GPR158: variants seen among roughly 807,000 people sequenced by gnomAD.
GPR158 encodes metabotropic glycine receptor.
GPR158 carries 30 observed loss-of-function variants against 78.2 expected under a neutral mutation model. The ratio of observed to expected loss-of-function variants is 0.38; its 90% CI spans 0.29 to 0.52. The LOEUF (loss-of-function observed/expected upper bound fraction) is 0.52. GPR158 is among the 20% of genes least tolerant of loss of function. The pLI is 0.83. For synonymous variants in GPR158, 581 were observed against 591.1 expected (o/e 0.98, Z 0.25); for missense variants, 1,463 against 1,523.5 (o/e 0.96, Z 0.66).
intron 2 of GPR158, among the ~76,000 whole-genome samples, chr10:25,360,721 C>G (rs1212768624): frequency 1.3e-5 from 2 of 151,894 alleles, no homozygotes. Context: ...TCTTTTTGCT[C>G]AGGATTGTCT....
rs568506357 is a variant in GPR158 at position 25,592,539 on chromosome 10, C to A, written c.1893-1753C>A. The stretch of plus-strand genomic sequence containing the variant: ...AAACTACTGCAAACCCAGTTTTTCT[C>A]AAAATATTTCTAGTCAGAATTGCAA... On this transcript the variant is annotated intron_variant, in intron 8 of 10. Coordinates refer to ENST00000376351, the MANE Select transcript of GPR158 (RefSeq NM_020752.3). Among the ~76,000 whole-genome samples the A allele has an allele frequency of 2.6e-4, 39 of 152,048 alleles. No homozygotes were observed. The South Asian group carries it at 7.9e-3, about 31-fold the overall frequency.
chr10:25,227,850 AAG>A (rs1853396214), intron 2 of GPR158, among the ~76,000 whole-genome samples: 1 of 152,220 alleles, frequency 6.6e-6, no homozygotes, highest in Admixed American at 6.5e-5. Context: ...CTAGTCATAA[AAG>A]AGAAGTCTTC....
rs80331218 is a variant in GPR158 at position 25,438,180 on chromosome 10, C to T, written c.1335+25707C>T. Among the ~76,000 whole-genome samples the T allele has an allele frequency of 3.1e-3, 471 of 152,280 alleles. 3 individuals are homozygous for T. Among genetic ancestry groups the T allele is most frequent in the African/African-American group, 0.011 (457 of 41,558 alleles). On this transcript the variant is annotated intron_variant, in intron 4 of 10. Transcript: ENST00000376351. ...CTGGGATTTGGAATAACGTCACTTA[C>T]TAAGTGTTCTTGGCTAGAGTTAGGT...
chr10:25,229,147 A>C (rs16925470), intron 2 of GPR158, among the ~76,000 whole-genome samples: 19,426 of 152,114 alleles, frequency 0.13, 1,558 homozygotes, highest in East Asian at 0.29. Context: ...TGTCTATCTT[A>C]TAAATGTTGG....
chr10:25,437,987 A>G (rs1031213389), intron 4 of GPR158, among the ~76,000 whole-genome samples: 3 of 152,226 alleles, frequency 2.0e-5, no homozygotes, highest in Non-Finnish European at 4.4e-5. Flanking sequence ...GCAGGGAACC[A>G]TGTGTAACAG....
At chr10:25,326,201 T>C (rs1855029617) in intron 2 of GPR158, among the ~76,000 whole-genome samples, 1 of 152,156 alleles carries the variant, frequency 6.6e-6, no homozygotes, top group African/African-American at 2.4e-5. Context: ...TGAGAACATG[T>C]AGTGTGTGGT....
At chr10:25,425,432 G>A (rs192984332) in intron 4 of GPR158, among the ~76,000 whole-genome samples, 1 of 152,064 alleles carries the variant, frequency 6.6e-6, no homozygotes, top group Non-Finnish European at 1.5e-5. Context: ...AATTAGTGAT[G>A]TTGAACATTT....
chr10:25,558,566 G>A (rs766831112), intron 6 of GPR158, among the ~76,000 whole-genome samples: 3 of 152,218 alleles, frequency 2.0e-5, no homozygotes, highest in Non-Finnish European at 4.4e-5. Flanking sequence ...CCAGAGTCAG[G>A]GTCTTGGCTT....
chr10:25,299,265 C>A (rs1158863819), intron 2 of GPR158, among the ~76,000 whole-genome samples: 12 of 152,046 alleles, frequency 7.9e-5, no homozygotes, highest in Admixed American at 7.9e-4. Flanking sequence ...CTAAAATGTA[C>A]TCACTTAGCA....
chr10:25,433,598 T>A (rs1285688463), intron 4 of GPR158, among the ~76,000 whole-genome samples: 1 of 151,296 alleles, frequency 6.6e-6, no homozygotes, highest in East Asian at 1.9e-4. Context: ...TGCGCATATA[T>A]GAATGTCAAG....
chr10:25,287,991 C>T (rs1306117580), intron 2 of GPR158, among the ~76,000 whole-genome samples: 1 of 152,158 alleles, frequency 6.6e-6, no homozygotes, highest in Non-Finnish European at 1.5e-5. Context: ...TCATGTGGAA[C>T]TCCCATTGTA....
chr10:25,190,431 C>G (rs960256665), intron 1 of GPR158, among the ~76,000 whole-genome samples: 3 of 152,070 alleles, frequency 2.0e-5, no homozygotes, highest in African/African-American at 7.2e-5. Flanking sequence ...CTCCCAGGTT[C>G]AAGTGATCCT....
In GPR158 at chr10:25,371,993, C is replaced by T. The variant is rs540926618; in HGVS notation, c.1009-23918C>T. Reference sequence around the variant, plus strand: ...GCTAATATCCAGAATCTGCAATGAACTCAAATAAATTTACAAGACAAAAAC... The same window carrying T: ...GCTAATATCCAGAATCTGCAATGAATTCAAATAAATTTACAAGACAAAAAC... On this transcript the variant is annotated intron_variant, in intron 2 of 10. Transcript: ENST00000376351. Among the ~76,000 whole-genome samples the T allele has an allele frequency of 7.4e-4, 112 of 151,972 alleles. No homozygotes were observed. In the South Asian group the frequency reaches 0.011, roughly 14 times the overall value.
chr10:25,343,202 C>T (rs778556592), intron 2 of GPR158, among the ~76,000 whole-genome samples: 11 of 151,846 alleles, frequency 7.2e-5, no homozygotes, highest in Non-Finnish European at 1.2e-4. Context: ...CTAGAATTTC[C>T]AAAATTTAAT....
chr10:25,368,737 G>A (rs1442776926), intron 2 of GPR158, among the ~76,000 whole-genome samples: 6 of 150,710 alleles, frequency 4.0e-5, no homozygotes, highest in Non-Finnish European at 4.4e-5. Flanking sequence ...GATGGGGATG[G>A]CATTGAATCT....
chr10:25,589,038 T>C lies in GPR158; in HGVS notation c.1785T>C (p.Tyr595=). The C allele has an allele frequency of 6.3e-7, 1 of 1,588,916 alleles. No homozygotes were observed. The highest frequency in any genetic ancestry group is 8.6e-7 in the Non-Finnish European group (1 of 1,163,398). The change falls in exon 8 of 11, where the codon TAT becomes TAC. Residue 595 remains tyrosine, a synonymous_variant. Transcript: ENST00000376351. ...AEFLFLLWGV[Y]LCYAVRTVPS... is the part of the protein sequence containing the mutation. Reference sequence around the variant, plus strand: ...TTTTATTCCTCTTGTGGGGTGTTTATCTCTGCTATGCAGTGCGGACAGTCC... The same window carrying C: ...TTTTATTCCTCTTGTGGGGTGTTTACCTCTGCTATGCAGTGCGGACAGTCC...
intron 2 of GPR158, among the ~76,000 whole-genome samples, chr10:25,283,924 A>G (rs944018956): frequency 1.7e-4 from 26 of 151,966 alleles, no homozygotes; most frequent in African/African-American, 5.6e-4. Flanking sequence ...GGGGATTTCC[A>G]TGCTATTTTT....
At chr10:25,310,987 T>A (rs544459750) in intron 2 of GPR158, among the ~76,000 whole-genome samples, 1 of 152,198 alleles carries the variant, frequency 6.6e-6, no homozygotes, top group East Asian at 1.9e-4. Flanking sequence ...CCCAGTAATC[T>A]GAGAGCTCGC....
At chr10:25,484,465 G>C (rs1564468255) in intron 5 of GPR158, among the ~76,000 whole-genome samples, 1 of 152,182 alleles carries the variant, frequency 6.6e-6, no homozygotes. Context: ...GTGGTGATGT[G>C]AAGGCAGAAA....
Sources: gnomAD v4.1 joint callset for allele counts (sites outside exome capture counted in the v4.1 genomes callset) on GRCh38, gnomAD v4.1.1 for gene constraint, MANE v1.5 for transcripts, NCBI Gene and HGNC (gene_info 2026-07-23, HGNC 2026-07-21) for gene names.